BTBD9: variants seen among roughly 807,000 people sequenced by gnomAD.
The protein encoded by BTBD9 is BTB domain containing 9.
Under a neutral mutation model 64.3 loss-of-function variants are expected in BTBD9, and 49 were observed. The observed-to-expected ratio is 0.76, with a 90% CI of 0.61 to 0.97. BTBD9 has a LOEUF of 0.97. Among genes scored for constraint, BTBD9 ranks in the 50% least tolerant of loss-of-function variants. The probability of loss-of-function intolerance (pLI) is 0.00; values close to 1 mark genes in which losing one functional copy is unlikely to be tolerated. For synonymous variants in BTBD9, 260 were observed against 274.7 expected (o/e 0.95, Z 0.53); for missense variants, 598 against 762.1 (o/e 0.78, Z 2.53).
chr6:38,252,163 G>A (rs572970569), intron 9 of BTBD9, among the ~76,000 whole-genome samples: 2 of 152,238 alleles, frequency 1.3e-5, no homozygotes, highest in African/African-American at 2.4e-5. Flanking sequence ...TTATTTCCCA[G>A]GGATTTTTCA....
chr6:38,253,941 T>C (rs751497647), intron 9 of BTBD9, among the ~76,000 whole-genome samples: 4 of 150,266 alleles, frequency 2.7e-5, no homozygotes, highest in Admixed American at 6.7e-5. Flanking sequence ...ACAAGATCTG[T>C]GCTCCACTGG....
chr6:38,449,755 A>G (rs1562203096), intron 6 of BTBD9, among the ~76,000 whole-genome samples: 2 of 149,270 alleles, frequency 1.3e-5, no homozygotes, highest in South Asian at 2.2e-4. Context: ...TTTAAAAAAG[A>G]AAAAAAAAAG....
At chr6:38,242,686 C>A (rs904139755) in intron 9 of BTBD9, among the ~76,000 whole-genome samples, 12 of 152,182 alleles carry the variant, frequency 7.9e-5, no homozygotes, top group African/African-American at 2.9e-4. Context: ...TTTTCCTTCA[C>A]AATGTATTAA....
At chr6:38,439,958 C>T (rs965179157) in intron 6 of BTBD9, among the ~76,000 whole-genome samples, 2 of 152,148 alleles carry the variant, frequency 1.3e-5, no homozygotes, top group Non-Finnish European at 2.9e-5. Flanking sequence ...GAATTACTAT[C>T]TAGTAAACTC....
At chr6:38,403,925 C>T (rs887559300) in intron 6 of BTBD9, among the ~76,000 whole-genome samples, 1 of 152,136 alleles carries the variant, frequency 6.6e-6, no homozygotes, top group Non-Finnish European at 1.5e-5. Context: ...CTGATATATG[C>T]TATAACACAG....
chr6:38,388,219 C>A (rs76047165), intron 6 of BTBD9, among the ~76,000 whole-genome samples: 975 of 101,304 alleles, frequency 9.6e-3, no homozygotes, highest in Middle Eastern at 0.013. Context: ...CTGCCCCTGA[C>A]AAAAAAAAAA....
rs57568036 is a variant in BTBD9 at position 38,374,283 on chromosome 6, G to GTATATATATATATACATATATA, written c.1155-29191_1155-29190insTATATATGTATATATATATATA. On this transcript the variant is annotated intron_variant, in intron 6 of 10. Transcript: ENST00000481247. ...GGCCTTGTGTCGAAAAAAAAAAAAA[G>GTATATATATATATACATATATA]TATATATATATATGTATATATATGT... 8.4e-4 allele frequency among the ~76,000 whole-genome samples: 38 copies of GTATATATATATATACATATATA among 45,470 alleles called. 5 individuals are homozygous for GTATATATATATATACATATATA. The highest frequency in any genetic ancestry group is 5.2e-3 in the African/African-American group (32 of 6,202). The allele number at this position is 45,470 out of a possible 152,430, so 29.8% of individuals were successfully genotyped here. A position where few individuals can be genotyped will look rare whatever the true frequency, so the allele number is the denominator to read the frequency against.
At chr6:38,278,547 A>T (rs532576791) in intron 8 of BTBD9, among the ~76,000 whole-genome samples, 1 of 152,208 alleles carries the variant, frequency 6.6e-6, no homozygotes, top group Non-Finnish European at 1.5e-5. Context: ...ATCACGAAAC[A>T]AATTAGAATC....
At chr6:38,460,273 A>G (rs1207566876) in intron 6 of BTBD9, among the ~76,000 whole-genome samples, 1 of 152,136 alleles carries the variant, frequency 6.6e-6, no homozygotes, top group Non-Finnish European at 1.5e-5. Context: ...TTCCTTTCCA[A>G]TTTAGCAATA....
At chr6:38,339,552 A>C (rs898121472) in intron 7 of BTBD9, among the ~76,000 whole-genome samples, 1 of 152,230 alleles carries the variant, frequency 6.6e-6, no homozygotes, top group Admixed American at 6.5e-5. Flanking sequence ...GTGTGCTACC[A>C]ATTATTTAAA....
At chr6:38,533,798 T>C (rs1052157338) in intron 6 of BTBD9, among the ~76,000 whole-genome samples, 2 of 152,140 alleles carry the variant, frequency 1.3e-5, no homozygotes, top group Admixed American at 1.3e-4. Flanking sequence ...AGTGAGTCAA[T>C]GAAGAAATTA....
intron 1 of BTBD9, among the ~76,000 whole-genome samples, chr6:38,609,992 T>G (rs1415250265): frequency 6.6e-6 from 1 of 152,186 alleles, no homozygotes; most frequent in East Asian, 1.9e-4. Context: ...GAAATAAATA[T>G]ACTGACACAA....
At chr6:38,628,770 G>A (rs1161386566) in intron 1 of BTBD9, among the ~76,000 whole-genome samples, 1 of 152,104 alleles carries the variant, frequency 6.6e-6, no homozygotes, top group East Asian at 1.9e-4. Flanking sequence ...ACATCTATTT[G>A]CTAAGAGGGC....
chr6:38,504,151 C>T (rs1029107282), intron 6 of BTBD9, among the ~76,000 whole-genome samples: 3 of 152,214 alleles, frequency 2.0e-5, no homozygotes, highest in Admixed American at 6.5e-5. Context: ...TGGCAAACTT[C>T]AGCCCTAGAT....
chr6:38,619,846 A>T (rs1371617397), intron 1 of BTBD9, among the ~76,000 whole-genome samples: 1 of 152,168 alleles, frequency 6.6e-6, no homozygotes, highest in African/African-American at 2.4e-5. Context: ...CTCTTTTCAC[A>T]TGCCTTTCTT....
At chr6:38,563,593 C>T (rs376286758) in intron 6 of BTBD9, among the ~76,000 whole-genome samples, 5 of 152,030 alleles carry the variant, frequency 3.3e-5, no homozygotes, top group Non-Finnish European at 7.4e-5. Context: ...CTTTAACGTG[C>T]CCCACACACA....
chr6:38,438,133 A>C (rs79332090), intron 6 of BTBD9, among the ~76,000 whole-genome samples: 3 of 151,110 alleles, frequency 2.0e-5, no homozygotes, highest in African/African-American at 7.3e-5. Flanking sequence ...AGCTTGAAGA[A>C]TACTACTACT....
intron 4 of BTBD9, chr6:38,587,483 T>C (rs1201529926): frequency 1.5e-5 from 8 of 550,892 alleles, no homozygotes; most frequent in Non-Finnish European, 1.0e-5. Flanking sequence ...CTGCGTAATG[T>C]TGAAGTAACA....
intron 9 of BTBD9, among the ~76,000 whole-genome samples, chr6:38,252,232 G>A (rs765774348): frequency 3.3e-5 from 5 of 152,072 alleles, no homozygotes; most frequent in African/African-American, 1.2e-4. Flanking sequence ...ATCAAGAGGC[G>A]GAGCTATGAT....
Sources: allele counts gnomAD v4.1 joint callset (sites outside exome capture counted in the v4.1 genomes callset), GRCh38; gene constraint gnomAD v4.1.1; transcripts MANE v1.5; gene names NCBI Gene and HGNC (gene_info 2026-07-23, HGNC 2026-07-21).